The following PIGS variants were observed in gnomAD, a reference collection of about 807,000 sequenced individuals.
PIGS encodes phosphatidylinositol glycan anchor biosynthesis class S, also known as GPI-anchor transamidase component PIGS.
A neutral mutation model predicts 58.2 loss-of-function variants in PIGS; 37 were observed. The ratio of observed to expected loss-of-function variants is 0.64; its 90% CI spans 0.49 to 0.84. The LOEUF is 0.84. Ranked by LOEUF, PIGS falls within the 40% of genes least tolerant of loss-of-function variation. The pLI, the probability that PIGS is intolerant of heterozygous loss-of-function variation, is 0.00. For synonymous variants in PIGS, 269 were observed against 289.2 expected (o/e 0.93, Z 0.71); for missense variants, 629 against 710.8 (o/e 0.88, Z 1.31).
chr17:28,557,055 C>T, intron 8 of PIGS, 83 bp from the exon 9 acceptor site: 2 of 1,488,724 alleles, frequency 1.3e-6, no homozygotes, highest in Non-Finnish European at 1.9e-6. Flanking sequence ...TTGCTGGTCA[C>T]TCACTCTGGG....
In PIGS at chr17:28,563,504, T is replaced by C. The variant is rs773979113; in HGVS notation, c.395A>G (p.Asp132Gly). The C allele has an allele frequency of 6.2e-7, 1 of 1,613,900 alleles. No individual in the cohort carries two copies. Among genetic ancestry groups the C allele is most frequent in the Non-Finnish European group, 8.5e-7 (1 of 1,179,984 alleles). Residue 132 changes from aspartate to glycine, a missense_variant, in exon 5 of 12, where the codon GAT becomes GGT. Coordinates refer to ENST00000308360, the MANE Select transcript of PIGS (RefSeq NM_033198.4). ...GSVQEAEAML[D>G]EPQEQAEGSL... ...GCCCTCCGCTTGTTCCTGAGGCTCA[T>C]CTAACATGGCTTCTGCCTCTGGGGG...
intron 10 of PIGS, chr17:28,555,502 C>T (rs2070321248): frequency 5.3e-6 from 1 of 187,302 alleles, no homozygotes; most frequent in Non-Finnish European, 1.1e-5. Flanking sequence ...CACTGCTAGT[C>T]AATCAGAAGA....
At position 28,558,610 on chromosome 17, in the gene PIGS, T is replaced by G. The variant is rs1199566741; in HGVS notation, c.820-20A>C. On this transcript the variant is annotated intron_variant, in intron 7 of 11. Transcript: ENST00000308360. Reference sequence around the variant, plus strand: ...AAGAATCTGTAGAGCAAACAGGGAGTGGTTACTTTGTTTAGATTTATATTC... The same window carrying G: ...AAGAATCTGTAGAGCAAACAGGGAGGGGTTACTTTGTTTAGATTTATATTC... The G allele has an allele frequency of 1.2e-5, 18 of 1,560,206 alleles. No individual in the cohort carries two copies. Among genetic ancestry groups the G allele is most frequent in the Non-Finnish European group, 1.4e-5 (16 of 1,141,594 alleles).
At chr17:28,564,141 A>G (rs2070381692) in intron 3 of PIGS, among the ~76,000 whole-genome samples, 1 of 152,226 alleles carries the variant, frequency 6.6e-6, no homozygotes, top group Non-Finnish European at 1.5e-5. Flanking sequence ...CTGGTCCTTC[A>G]GCGTGAAACG....
At position 28,553,731 on chromosome 17, in the gene PIGS, ACAAAGCC is replaced by A. The variant is rs1022390151; in HGVS notation, c.*482_*488del. ...ACTCCCGCCAGACTGCACCTGACAGACAAAGCCAACTAGGAGGGAGGGGAGTGAGGGA... is the reference window on the plus strand; with the variant it reads ...ACTCCCGCCAGACTGCACCTGACAGAAACTAGGAGGGAGGGGAGTGAGGGA... On this transcript the variant is annotated 3_prime_UTR_variant, in exon 12 of 12. Coordinates refer to ENST00000308360, the MANE Select transcript of PIGS (RefSeq NM_033198.4). The A allele has an allele frequency of 5.6e-6, 1 of 178,014 alleles. No individual in the cohort carries two copies. The highest frequency in any genetic ancestry group is 2.4e-5 in the African/African-American group (1 of 41,644). 11.0% of individuals were successfully genotyped at this position (178,014 alleles called of 1,614,324 possible). A position where few individuals can be genotyped will look rare whatever the true frequency, so the allele number is the denominator to read the frequency against.
Position 28,554,955 on chromosome 17 carries a change from G to C in PIGS, c.1288C>G (p.Arg430Gly). The C allele has an allele frequency of 6.2e-7, 1 of 1,612,734 alleles. No homozygotes were observed. The highest frequency in any genetic ancestry group is 8.5e-7 in the Non-Finnish European group (1 of 1,179,228). The change falls in exon 11 of 12, where the codon CGG (arginine) becomes GGG (glycine). Residue 430 changes from arginine to glycine, a missense_variant. Coordinates refer to ENST00000308360, the MANE Select transcript of PIGS (RefSeq NM_033198.4). ...TWELDRLLWA[R>G]SVENLATATT... ...GCTGTGGCCAGGTTCTCCACTGACCGAGCCCAGAGCAGCCGGTCTAGCTCC... is the reference window on the plus strand; with the variant it reads ...GCTGTGGCCAGGTTCTCCACTGACCCAGCCCAGAGCAGCCGGTCTAGCTCC...
intron 8 of PIGS, 188 bp from the exon 9 acceptor site, chr17:28,557,160 G>A (rs527706305): frequency 1.2e-4 from 77 of 618,146 alleles, no homozygotes; most frequent in East Asian, 7.0e-4. Context: ...GTGCCATACC[G>A]ATGGAAACAT....
chr17:28,556,051 C>G, intron 10 of PIGS, 115 bp downstream of exon 10: 3 of 935,598 alleles, frequency 3.2e-6, no homozygotes, highest in South Asian at 1.5e-5. Flanking sequence ...CTTGGTTTCC[C>G]TGGGGCTCTA....
intron 8 of PIGS, chr17:28,557,418 T>A (rs1428427128): frequency 5.5e-6 from 1 of 180,516 alleles, no homozygotes; most frequent in Non-Finnish European, 1.1e-5. Flanking sequence ...CTAACCGGCT[T>A]CATCTTTGGT....
At chr17:28,563,363 A>T in intron 5 of PIGS, 68 bp downstream of exon 5, 1 of 1,291,474 alleles carries the variant, frequency 7.7e-7, no homozygotes, top group Non-Finnish European at 1.1e-6. Context: ...ATGATGCAAG[A>T]AGGAGGTGAC....
At chr17:28,566,091 G>A (rs2070392247) in intron 3 of PIGS, among the ~76,000 whole-genome samples, 1 of 151,444 alleles carries the variant, frequency 6.6e-6, no homozygotes, top group Non-Finnish European at 1.5e-5. Context: ...TGGGCACAGT[G>A]GCACATTCTT....
Position 28,554,346 on chromosome 17 carries a change from A to G in PIGS, c.1542T>C (p.Pro514=). ...TGTAGATGGCAAACTTCTGGTCATC[A>G]GGGAAATAAAGGAGGTGGAGGAGTG... ...DPSLLHLLYF[P]DDQKFAIYIP... The change falls in exon 12 of 12, where the codon CCT becomes CCC. Residue 514 remains proline, a synonymous_variant. Transcript: ENST00000308360. The G allele has an allele frequency of 1.9e-6, 3 of 1,614,196 alleles. No individual in the cohort carries two copies. The highest frequency in any genetic ancestry group is 1.7e-6 in the Non-Finnish European group (2 of 1,180,036).
rs765900525 is a variant in PIGS, at chr17:28,554,915, G to A, written c.1328C>T (p.Thr443Ile). The change falls in exon 11 of 12, where the codon ACC becomes ATC. Residue 443 changes from threonine to isoleucine, a missense_variant. By Grantham distance (89) the Thr-to-Ile change is moderately conservative (BLOSUM62 -1). Coordinates refer to ENST00000308360, the MANE Select transcript of PIGS (RefSeq NM_033198.4). ...CTTGCCCAGAAGCTGCGCCAGGGAGGTAAGGGTGGTGGTGGCTGTGGCCAG... is the reference window on the plus strand; with the variant it reads ...CTTGCCCAGAAGCTGCGCCAGGGAGATAAGGGTGGTGGTGGCTGTGGCCAG... The part of the protein sequence containing the change: ...ENLATATTTL[T>I]SLAQLLGKIS... The A allele has an allele frequency of 6.2e-6, 10 of 1,614,128 alleles. No homozygotes were observed. Among genetic ancestry groups the A allele is most frequent in the Admixed American group, 5.0e-5 (3 of 60,008 alleles).
chr17:28,560,333 G>T, intron 6 of PIGS, 142 bp from the exon 7 acceptor site: 2 of 1,033,156 alleles, frequency 1.9e-6, no homozygotes, highest in Non-Finnish European at 2.8e-6. Flanking sequence ...GGACAAAACT[G>T]GGATGAGGAA....
At chr17:28,569,474 CAAA>C (rs767305172) in intron 3 of PIGS, among the ~76,000 whole-genome samples, 7 of 66,084 alleles carry the variant, frequency 1.1e-4, no homozygotes, top group Non-Finnish European at 9.4e-5. Flanking sequence ...GACCCTTTCT[CAAA>C]AAAAAAAAAA....
chr17:28,554,150 A>G lies in PIGS; in HGVS notation c.*70T>C. The G allele has an allele frequency of 3.8e-6, 6 of 1,561,484 alleles. No individual in the cohort carries two copies. Among genetic ancestry groups the G allele is most frequent in the Non-Finnish European group, 5.2e-6 (6 of 1,148,018 alleles). On this transcript the variant is annotated 3_prime_UTR_variant, in exon 12 of 12. Transcript: ENST00000308360. ...TAAGTCATTCCGGCAGGCCCCATGTACGTGCCTCACAATCTAACACCGCCC... is the reference window on the plus strand; with the variant it reads ...TAAGTCATTCCGGCAGGCCCCATGTGCGTGCCTCACAATCTAACACCGCCC...
intron 9 of PIGS, 103 bp downstream of exon 9, chr17:28,556,724 G>T (rs1042615619): frequency 1.4e-6 from 2 of 1,434,200 alleles, no homozygotes; most frequent in African/African-American, 2.9e-5. Flanking sequence ...CCACAGGCTG[G>T]GCCATGGAGG....
chr17:28,554,177 C>T lies in PIGS; in HGVS notation c.*43G>A, dbSNP rs1442516683. 3 of 1,604,058 alleles carry T rather than the reference C, an allele frequency of 1.9e-6. No homozygotes were observed. The highest frequency in any genetic ancestry group is 1.7e-6 in the Non-Finnish European group (2 of 1,174,368). On this transcript the variant is annotated 3_prime_UTR_variant, in exon 12 of 12. Coordinates refer to ENST00000308360, the MANE Select transcript of PIGS (RefSeq NM_033198.4). ...GTGCCTCACAATCTAACACCGCCCA[C>T]CTTGGCCAGAAAGGAAGGCTTCCTA...
chr17:28,554,738 GA>G, intron 11 of PIGS, 112 bp downstream of exon 11: 1 of 1,420,414 alleles, frequency 7.0e-7, no homozygotes, highest in Non-Finnish European at 9.9e-7. Flanking sequence ...GGACACTAAA[GA>G]TGGCAAGCCC....
Sources: allele counts gnomAD v4.1 joint callset (sites outside exome capture counted in the v4.1 genomes callset), GRCh38; gene constraint gnomAD v4.1.1; transcripts MANE v1.5; gene names NCBI Gene and HGNC (gene_info 2026-07-23, HGNC 2026-07-21).